The following KYAT3 variants were observed in gnomAD, a reference collection of about 807,000 sequenced individuals.
The protein encoded by KYAT3 is kynurenine--oxoglutarate transaminase 3.
Under a neutral mutation model 59.0 loss-of-function variants are expected in KYAT3, and 50 were observed. The ratio of observed to expected loss-of-function variants is 0.85; its 90% CI spans 0.68 to 1.07. The LOEUF (loss-of-function observed/expected upper bound fraction) is 1.07, where lower values mean the gene tolerates loss of function less well. Ranked by LOEUF, KYAT3 falls within the 50% of genes least tolerant of loss-of-function variation. KYAT3 has a pLI of 0.00. For missense variants in KYAT3, 497 were observed against 533.3 expected (o/e 0.93, Z 0.67); for synonymous variants, 148 against 177.0 (o/e 0.84, Z 1.30).
At chr1:88,934,272 TG>T (rs1425856530), downstream of KYAT3, among the ~76,000 whole-genome samples, 1 of 152,076 alleles carries the variant, frequency 6.6e-6, no homozygotes, top group Non-Finnish European at 1.5e-5. Flanking sequence ...CTGGCCAACA[TG>T]GTGAAACCTG....
chr1:88,923,453 C>A, the KYAT3 span: 1 of 158,266 alleles, frequency 6.3e-6, no homozygotes. Flanking sequence ...TGCCATAAGC[C>A]TGTATGTGAA....
Position 88,970,672 on chromosome 1 carries a change from A to G in KYAT3, c.100-1205T>C, listed in dbSNP as rs552914962. ...GAATTAAAATTATCACATAGCATAC[A>G]ATTTTTTAGTTCTTTAGATTCTAAA... is the stretch of plus-strand genomic sequence containing the variant. On this transcript the variant is annotated intron_variant, in intron 2 of 13. Coordinates refer to ENST00000260508, the MANE Select transcript of KYAT3 (RefSeq NM_001008661.3). 3.9e-5 allele frequency among the ~76,000 whole-genome samples: 6 copies of G among 152,306 alleles called. No individual in the cohort carries two copies. The East Asian group carries it at 1.2e-3, about 29-fold the overall frequency.
intron 1 of KYAT3, among the ~76,000 whole-genome samples, chr1:88,989,042 C>T (rs1677633925): frequency 6.6e-6 from 1 of 152,164 alleles, no homozygotes; most frequent in Non-Finnish European, 1.5e-5. Flanking sequence ...AATACTGCCA[C>T]TTAGAAGTGG....
Position 88,943,369 on chromosome 1 carries a change from T to G in KYAT3, c.1196A>C (p.Lys399Thr). 6.4e-7 allele frequency: 1 copy of G among 1,572,666 alleles called. No individual in the cohort carries two copies. The highest frequency in any genetic ancestry group is 8.7e-7 in the Non-Finnish European group (1 of 1,150,068). The change falls in exon 12 of 14, where the codon AAA becomes ACA. Residue 399 changes from lysine to threonine, a missense_variant. Around this residue, in one of 2 missense-constraint regions of KYAT3, gnomAD observed 469 missense variants for 479.1 expected, o/e 0.98. Coordinates refer to ENST00000260508, the MANE Select transcript of KYAT3 (RefSeq NM_001008661.3). Reference sequence around the variant, plus strand: ...CATTACCTTATGTTTAGTCATCCATTTCACAAACTTATAGTCATAAGGCTC... The same window carrying G: ...CATTACCTTATGTTTAGTCATCCATGTCACAAACTTATAGTCATAAGGCTC... ...NNEPYDYKFV[K>T]WMTKHKKLSA...
intron 2 of KYAT3, among the ~76,000 whole-genome samples, chr1:88,978,986 A>C (rs763494958): frequency 7.2e-5 from 11 of 152,144 alleles, no homozygotes; most frequent in Admixed American, 2.0e-4. Context: ...GGCAGAGTAC[A>C]TGCTTCAGAT....
intron 2 of KYAT3, among the ~76,000 whole-genome samples, chr1:88,984,375 T>G (rs1284620689): frequency 6.6e-5 from 10 of 152,008 alleles, no homozygotes; most frequent in Non-Finnish European, 8.8e-5. Flanking sequence ...CCACCACACC[T>G]GGCTAATTTT....
chr1:88,988,193 T>C (rs2101099435), intron 2 of KYAT3, 59 bp downstream of exon 2: 1 of 1,074,426 alleles, frequency 9.3e-7, no homozygotes, highest in Non-Finnish European at 1.4e-6. Flanking sequence ...AAAAATTACA[T>C]ATTTTTTGGA....
chr1:88,929,351 T>C, the KYAT3 span, among the ~76,000 whole-genome samples: 1 of 152,182 alleles, frequency 6.6e-6, no homozygotes, highest in East Asian at 1.9e-4. Flanking sequence ...TATACTCTGC[T>C]TTCCCAAATG....
intron 2 of KYAT3, among the ~76,000 whole-genome samples, chr1:88,985,162 A>G (rs1006905891): frequency 6.6e-6 from 1 of 152,240 alleles, no homozygotes; most frequent in Non-Finnish European, 1.5e-5. Flanking sequence ...GTGGAGAACA[A>G]AAAGCCTGGT....
chr1:88,964,680 A>C (rs1183792236), intron 5 of KYAT3, 149 bp downstream of exon 5: 15 of 674,336 alleles, frequency 2.2e-5, no homozygotes, highest in Non-Finnish European at 3.7e-5. Flanking sequence ...CTGTACATTT[A>C]AGATTTGTGA....
At chr1:88,984,049 G>GA (rs1677287335) in intron 2 of KYAT3, 1 of 460,916 alleles carries the variant, frequency 2.2e-6, no homozygotes, top group Non-Finnish European at 4.2e-6. Flanking sequence ...GATGGCAGAG[G>GA]AAAACAACAG....
chr1:88,974,031 ATATTAG>A (rs988651182), intron 2 of KYAT3, among the ~76,000 whole-genome samples: 5 of 152,180 alleles, frequency 3.3e-5, no homozygotes, highest in African/African-American at 9.7e-5. Context: ...AAAAAGTTTA[ATATTAG>A]TAACAATAAT....
At chr1:88,932,741 T>TTG (rs1674934002), downstream of KYAT3, among the ~76,000 whole-genome samples, 1 of 152,084 alleles carries the variant, frequency 6.6e-6, no homozygotes, top group African/African-American at 2.4e-5. Flanking sequence ...AGTGATCCTC[T>TTG]TGTCTCAGCA....
chr1:88,981,940 G>A (rs559706023), intron 2 of KYAT3: 1 of 981,324 alleles, frequency 1.0e-6, no homozygotes, highest in East Asian at 1.1e-4. Context: ...AAGAGTAAGA[G>A]CAAGCACCTT....
chr1:88,954,450 G>T (rs1020356450), intron 9 of KYAT3, among the ~76,000 whole-genome samples: 2 of 152,106 alleles, frequency 1.3e-5, no homozygotes, highest in East Asian at 3.9e-4. Context: ...TTATGAGAAT[G>T]AAAGAAATTA....
At chr1:88,989,416 G>C (rs1482943699) in intron 1 of KYAT3, among the ~76,000 whole-genome samples, 1 of 152,098 alleles carries the variant, frequency 6.6e-6, no homozygotes, top group Non-Finnish European at 1.5e-5. Context: ...ACTCTTGCTG[G>C]GCCTCAGTTT....
At chr1:88,932,571 G>A (rs11585503), downstream of KYAT3, among the ~76,000 whole-genome samples, 42,513 of 151,914 alleles carry the variant, frequency 0.28, 7,290 homozygotes, top group Non-Finnish European at 0.38. Context: ...ACAGCTCACT[G>A]CAGCCTCAAC....
chr1:88,942,966 G>T (rs754819665), intron 13 of KYAT3, 39 bp downstream of exon 13: 2 of 1,281,320 alleles, frequency 1.6e-6, no homozygotes, highest in Non-Finnish European at 2.2e-6. Flanking sequence ...TTGAAATGAA[G>T]ATACTATATA....
intron 1 of KYAT3, among the ~76,000 whole-genome samples, chr1:88,988,954 T>C (rs1677629219): frequency 6.6e-6 from 1 of 152,180 alleles, no homozygotes; most frequent in Admixed American, 6.5e-5. Flanking sequence ...GCATTCTGAA[T>C]TGCTTCTCTA....
Sources: allele counts gnomAD v4.1 joint callset (sites outside exome capture counted in the v4.1 genomes callset), GRCh38; gene constraint gnomAD v4.1.1; regional missense constraint gnomAD v4.1.1; transcripts MANE v1.5; gene names NCBI Gene and HGNC (gene_info 2026-07-23, HGNC 2026-07-21).